FBXO38: variants seen among roughly 807,000 people sequenced by gnomAD.
FBXO38 encodes the protein F-box protein 38.
Under a neutral mutation model 131.9 loss-of-function variants are expected in FBXO38, and 53 were observed. That is an observed-to-expected ratio of 0.40 (90% CI 0.32 to 0.51). The LOEUF (loss-of-function observed/expected upper bound fraction) is 0.51. FBXO38 is among the 20% of genes least tolerant of loss of function. The probability of loss-of-function intolerance (pLI) is 0.53; values close to 1 mark genes in which losing one functional copy is unlikely to be tolerated. For missense variants in FBXO38, 1,076 were observed against 1,475.6 expected, an observed-to-expected ratio of 0.73 and a Z score of 4.44; for synonymous variants, 452 against 505.6, an observed-to-expected ratio of 0.89 and a Z score of 1.42.
At chr5:148,393,798 A>G (rs1758338295) in intron 1 of FBXO38, among the ~76,000 whole-genome samples, 1 of 152,156 alleles carries the variant, frequency 6.6e-6, no homozygotes, top group African/African-American at 2.4e-5. Context: ...CCATTAATAT[A>G]AAAGAGACCA....
At chr5:148,393,617 C>T (rs1001849025) in intron 1 of FBXO38, among the ~76,000 whole-genome samples, 9 of 152,046 alleles carry the variant, frequency 5.9e-5, no homozygotes, top group Admixed American at 5.9e-4. Context: ...CAATTCTGAG[C>T]TCATTTGCGT....
chr5:148,398,284 A>T (rs1008721392), intron 2 of FBXO38, among the ~76,000 whole-genome samples: 1 of 152,184 alleles, frequency 6.6e-6, no homozygotes, highest in East Asian at 1.9e-4. Flanking sequence ...AGAGAAAAAT[A>T]GACCTTTCAG....
intron 18 of FBXO38, among the ~76,000 whole-genome samples, 154 bp from the exon 19 acceptor site, chr5:148,439,492 CA>C (rs899092883): frequency 6.6e-5 from 10 of 150,892 alleles, no homozygotes; most frequent in African/African-American, 2.2e-4. Context: ...CCCAGCATGA[CA>C]GACTGTTTTC....
chr5:148,430,664 A>AG (rs1308059383), intron 15 of FBXO38: 4 of 152,160 alleles, frequency 2.6e-5, no homozygotes, highest in Non-Finnish European at 4.4e-5. Context: ...TTTTTTAAAG[A>AG]GAAAAATCCA....
intron 13 of FBXO38, 110 bp from the exon 14 acceptor site, chr5:148,425,412 G>A: frequency 1.2e-6 from 1 of 804,042 alleles, no homozygotes; most frequent in Admixed American, 2.4e-5. Flanking sequence ...AGGGGAGGCT[G>A]TATAGAGCCA....
chr5:148,394,808 G>A lies in FBXO38; in HGVS notation c.32G>A (p.Cys11Tyr). MGPRKKSVKTCIMNNEIPEEM... is the reference protein window; with the variant it reads MGPRKKSVKTYIMNNEIPEEM... The stretch of plus-strand genomic sequence containing the variant: ...CCACGAAAGAAAAGTGTGAAAACAT[G>A]TATCATGAATAATGAAATTCCAGAA... The change falls in exon 2 of 22, where the codon TGT (cysteine) becomes TAT (tyrosine). Residue 11 changes from cysteine (C) to tyrosine (Y), a missense_variant. This residue lies in a region of FBXO38 where 58 missense variants were observed against 53.1 expected (regional missense o/e 1.09). Transcript: ENST00000340253. 1.3e-6 allele frequency: 2 copies of A among 1,595,822 alleles called. No homozygotes were observed. The highest frequency in any genetic ancestry group is 1.7e-6 in the Non-Finnish European group (2 of 1,171,652).
chr5:148,403,837 A>G (rs1752296320), intron 5 of FBXO38, among the ~76,000 whole-genome samples: 1 of 152,204 alleles, frequency 6.6e-6, no homozygotes, highest in African/African-American at 2.4e-5. Context: ...AATTGCATTA[A>G]ACAGTTTTGC....
intron 15 of FBXO38, among the ~76,000 whole-genome samples, chr5:148,431,209 T>C (rs760526250): frequency 6.6e-6 from 1 of 152,316 alleles, no homozygotes; most frequent in Non-Finnish European, 1.5e-5. Flanking sequence ...ATATGAGGTA[T>C]TGTTGATACT....
intron 2 of FBXO38, among the ~76,000 whole-genome samples, chr5:148,395,763 A>G (rs923543362): frequency 6.6e-6 from 1 of 152,022 alleles, no homozygotes; most frequent in Non-Finnish European, 1.5e-5. Flanking sequence ...ATATTGCTAC[A>G]TGGTCTTCAT....
chr5:148,436,910 A>G (rs1018351929), intron 17 of FBXO38, among the ~76,000 whole-genome samples: 1 of 152,262 alleles, frequency 6.6e-6, no homozygotes, highest in South Asian at 2.1e-4. Context: ...TCAAAAGCTC[A>G]GAGATTGTAA....
At chr5:148,424,783 C>T (rs552262653) in intron 13 of FBXO38, among the ~76,000 whole-genome samples, 1 of 152,248 alleles carries the variant, frequency 6.6e-6, no homozygotes, top group Admixed American at 6.5e-5. Context: ...GTTAGAGATG[C>T]AGTCACTCAT....
Position 148,393,189 on chromosome 5 carries a change from GT to G in FBXO38, c.-63-1524del, listed in dbSNP as rs368348875. On this transcript the variant is annotated intron_variant, in intron 1 of 21. Transcript: ENST00000340253. ...ACTGGTTAGAAACAACAGAAGAGGG[GT>G]GTGTGTGTGTGTGTGTGTGTGTGTG... 3.4e-3 allele frequency among the ~76,000 whole-genome samples: 46 copies of G among 13,340 alleles called. No homozygotes were observed. In the East Asian group the frequency reaches 0.081, roughly 23 times the overall value. 8.8% of individuals were successfully genotyped at this position (13,340 alleles called of 152,430 possible).
chr5:148,393,490 C>G (rs2113500236), intron 1 of FBXO38, among the ~76,000 whole-genome samples: 2 of 152,172 alleles, frequency 1.3e-5, no homozygotes, highest in South Asian at 4.1e-4. Flanking sequence ...CCTGCTCTCC[C>G]TTCAGTTATG....
At position 148,441,236 on chromosome 5, in the gene FBXO38, A is replaced by C. The variant is rs1415387050; in HGVS notation, c.3387A>C (p.Glu1129Asp). 6.2e-7 allele frequency: 1 copy of C among 1,608,570 alleles called. No individual in the cohort carries two copies. The highest frequency in any genetic ancestry group is 1.3e-5 in the African/African-American group (1 of 74,810). ...FARYDFEDDE[E>D]STIYAPRRKG... ...GATACGACTTTGAAGACGATGAAGA[A>C]AGTAATTATGACCTGACTTGACATC... Residue 1129 changes from glutamate (E) to aspartate (D), a missense_variant and splice_region_variant, in exon 21 of 22, where the codon GAA becomes GAC. By Grantham distance (45) the Glu-to-Asp change is conservative (BLOSUM62 2). This residue lies in a region of FBXO38 where 282 missense variants were observed against 418.8 expected (regional missense o/e 0.67). Transcript: ENST00000340253.
At chr5:148,422,001 TAC>T (rs1271033928) in intron 12 of FBXO38, among the ~76,000 whole-genome samples, 1 of 152,100 alleles carries the variant, frequency 6.6e-6, no homozygotes, top group Admixed American at 6.6e-5. Flanking sequence ...CCAGTATGCC[TAC>T]ATCTCTCCTT....
At chr5:148,386,010 A>C (rs1329016561) in intron 1 of FBXO38, among the ~76,000 whole-genome samples, 1 of 152,222 alleles carries the variant, frequency 6.6e-6, no homozygotes, top group African/African-American at 2.4e-5. Context: ...CTGGTTTAAG[A>C]ATGTGCTTGC....
At chr5:148,406,809 TA>T (rs1311686282) in intron 7 of FBXO38, among the ~76,000 whole-genome samples, 2 of 152,098 alleles carry the variant, frequency 1.3e-5, no homozygotes, top group African/African-American at 4.8e-5. Flanking sequence ...CTTTATAATA[TA>T]AAAAATACTT....
chr5:148,417,203 C>T lies in FBXO38; in HGVS notation c.1617C>T (p.Asp539=), dbSNP rs149341400. 15 of 1,600,712 alleles carry T rather than the reference C, an allele frequency of 9.4e-6. No individual in the cohort carries two copies. The highest frequency in any genetic ancestry group is 1.7e-4 in the Middle Eastern group (1 of 6,054). The stretch of plus-strand genomic sequence containing the variant: ...CAGGAGAGCAGCAGTTTGCAGCTGA[C>T]GGTAACCCAGATCTTTTATGAGCTC... The part of the protein sequence containing the change: ...LQPGEQQFAA[D]ALNEMEDIVQ... The change falls in exon 12 of 22, where the codon GAC becomes GAT. Residue 539 remains aspartate (D), a splice_region_variant and synonymous_variant. Transcript: ENST00000340253.
intron 12 of FBXO38, among the ~76,000 whole-genome samples, chr5:148,422,552 A>G (rs1020775711): frequency 3.3e-5 from 5 of 152,170 alleles, no homozygotes; most frequent in African/African-American, 1.2e-4. Context: ...TCCCCCAACT[A>G]GAGTAAGCCA....
Sources: allele counts gnomAD v4.1 joint callset (sites outside exome capture counted in the v4.1 genomes callset), GRCh38; gene constraint gnomAD v4.1.1; regional missense constraint gnomAD v4.1.1; transcripts MANE v1.5; gene names NCBI Gene and HGNC (gene_info 2026-07-23, HGNC 2026-07-21).